Variants in MTERF3 observed in about 807,000 individuals in gnomAD.
The protein encoded by MTERF3 is mitochondrial transcription termination factor 3, also known as transcription termination factor 3, mitochondrial.
Under a neutral mutation model 40.5 loss-of-function variants are expected in MTERF3, and 40 were observed. The observed-to-expected ratio is 0.99, with a 90% CI of 0.77 to 1.29. The LOEUF is 1.29. Among genes scored for constraint, MTERF3 ranks in the 50% most tolerant of loss-of-function variants. The probability of loss-of-function intolerance (pLI) is 0.00; values close to 1 mark genes in which losing one functional copy is unlikely to be tolerated. For synonymous variants in MTERF3, 158 were observed against 166.6 expected (o/e 0.95, Z 0.40); for missense variants, 452 against 478.2 (o/e 0.95, Z 0.51).
chr8:96,254,378 CCTGT>C (rs764310360), intron 3 of MTERF3, among the ~76,000 whole-genome samples: 58 of 152,246 alleles, frequency 3.8e-4, no homozygotes, highest in Middle Eastern at 3.4e-3. Context: ...ACTTATGCCA[CCTGT>C]CTAATTGAAA....
rs528468108 is a variant in MTERF3, at chr8:96,239,994, C to T, written c.1060-309G>A. On this transcript the variant is annotated intron_variant, in intron 7 of 7. Transcript: ENST00000287025. ...GCAAATCTTCGGCCGGGCGTGGTGG[C>T]TCACGCCTTTAGTGAGGCTGAGGCA... 64 of 583,428 alleles carry T rather than the reference C, an allele frequency of 1.1e-4. No individual in the cohort carries two copies. In the African/African-American group the frequency reaches 1.2e-3, roughly 11 times the overall value. The allele number at this position is 583,428 out of a possible 1,614,324, so 36.1% of individuals were successfully genotyped here.
chr8:96,257,764 C>A (rs921648497), intron 2 of MTERF3, among the ~76,000 whole-genome samples: 2 of 152,138 alleles, frequency 1.3e-5, no homozygotes, highest in South Asian at 4.1e-4. Context: ...TGCTTCTCAT[C>A]ATTAACTATC....
At chr8:96,254,308 A>C (rs963662185) in intron 3 of MTERF3, among the ~76,000 whole-genome samples, 3 of 152,112 alleles carry the variant, frequency 2.0e-5, no homozygotes, top group Non-Finnish European at 2.9e-5. Context: ...CTCTCTTAAC[A>C]ATTTTCAAGT....
chr8:96,260,887 C>A (rs2129962286), intron 1 of MTERF3, among the ~76,000 whole-genome samples: 1 of 152,248 alleles, frequency 6.6e-6, no homozygotes, highest in Non-Finnish European at 1.5e-5. Context: ...CTAATGTTTG[C>A]GGAATGGAAA....
At chr8:96,242,198 TTC>T (rs1255204525) in intron 7 of MTERF3, among the ~76,000 whole-genome samples, 1 of 152,242 alleles carries the variant, frequency 6.6e-6, no homozygotes, top group African/African-American at 2.4e-5. Flanking sequence ...CTTTTTATTT[TTC>T]TGTTTTTATT....
intron 4 of MTERF3, among the ~76,000 whole-genome samples, chr8:96,249,749 A>G (rs754621599): frequency 4.6e-5 from 7 of 152,190 alleles, no homozygotes; most frequent in Non-Finnish European, 8.8e-5. Context: ...TTGGTGTGAT[A>G]TTATGGGGAA....
In MTERF3 at chr8:96,251,028, T is replaced by C. The variant is rs1447042093; in HGVS notation, c.555A>G (p.Glu185=). 1 of 1,605,214 alleles carries C rather than the reference T, an allele frequency of 6.2e-7. No individual in the cohort carries two copies. Among genetic ancestry groups the C allele is most frequent in the Admixed American group, 1.7e-5 (1 of 57,624 alleles). The change falls in exon 4 of 8, where the codon GAA becomes GAG. Residue 185 remains glutamate, a synonymous_variant. Transcript: ENST00000287025. ...ACAGAAGCATTTGCTTAATGTCTTT[T>C]TCAAAATCCAGTCTCAGAAGGAGGT... The part of the protein sequence containing the change: ...AANLLLRLDF[E]KDIKQMLLFL...
At chr8:96,248,812 A>T (rs1810069373) in intron 4 of MTERF3, among the ~76,000 whole-genome samples, 1 of 152,352 alleles carries the variant, frequency 6.6e-6, no homozygotes, top group Admixed American at 6.5e-5. Flanking sequence ...TTTAAAAAAT[A>T]AGTACATGAA....
intron 3 of MTERF3, among the ~76,000 whole-genome samples, chr8:96,255,894 G>C (rs919893731): frequency 2.0e-5 from 3 of 152,084 alleles, no homozygotes; most frequent in African/African-American, 4.8e-5. Flanking sequence ...TGAGAATCTG[G>C]CAAGTGGTAA....
intron 1 of MTERF3, among the ~76,000 whole-genome samples, chr8:96,259,734 T>C (rs1810344699): frequency 1.3e-5 from 2 of 152,304 alleles, no homozygotes; most frequent in South Asian, 4.1e-4. Context: ...CCTACAACTT[T>C]ATACTTTGTT....
In MTERF3 at chr8:96,250,680, GAA is replaced by G. The variant is rs1563549082; in HGVS notation, c.677+224_677+225del. Among the ~76,000 whole-genome samples, 25 of 57,486 alleles carry G rather than the reference GAA, an allele frequency of 4.3e-4. 1 individual carries two copies. The highest frequency in any genetic ancestry group is 1.2e-3 in the African/African-American group (17 of 14,060). The allele number at this position is 57,486 out of a possible 152,430, so 37.7% of individuals were successfully genotyped here. A position where few individuals can be genotyped will look rare whatever the true frequency, so the allele number is the denominator to read the frequency against. ...AGAAGAAGAAGAAGAAGAAGAAGAA[GAA>G]GGAGGAGGAGGAGGGGGGGAGGGGG... On this transcript the variant is annotated intron_variant, in intron 4 of 7. Coordinates refer to ENST00000287025, the MANE Select transcript of MTERF3 (RefSeq NM_015942.5).
chr8:96,254,119 A>G (rs1294428107), intron 3 of MTERF3, among the ~76,000 whole-genome samples: 1 of 152,206 alleles, frequency 6.6e-6, no homozygotes, highest in African/African-American at 2.4e-5. Flanking sequence ...GTCTCCTCAC[A>G]GCAGACATCA....
At chr8:96,258,830 AT>A in intron 1 of MTERF3, 130 bp from the exon 2 acceptor site, 1 of 689,400 alleles carries the variant, frequency 1.5e-6, no homozygotes. Flanking sequence ...TTAAATATAT[AT>A]TTAGTCTAAA....
chr8:96,255,755 C>T (rs1810267924), intron 3 of MTERF3, among the ~76,000 whole-genome samples: 1 of 151,422 alleles, frequency 6.6e-6, no homozygotes, highest in Non-Finnish European at 1.5e-5. Flanking sequence ...GAATGACAAA[C>T]AAAAAATGAG....
intron 1 of MTERF3, among the ~76,000 whole-genome samples, chr8:96,259,341 C>T (rs985024532): frequency 3.9e-5 from 6 of 152,130 alleles, no homozygotes; most frequent in Non-Finnish European, 7.3e-5. Flanking sequence ...TTGAACAAAA[C>T]CAGTTTTGTC....
At chr8:96,250,369 A>G (rs1810107088) in intron 4 of MTERF3, among the ~76,000 whole-genome samples, 1 of 145,656 alleles carries the variant, frequency 6.9e-6, no homozygotes, top group Non-Finnish European at 1.5e-5. Context: ...TCCAGTTTCT[A>G]AAGAGAAAGA....
At chr8:96,250,683 G>GACGAAGAAGACGAA (rs1479466031) in intron 4 of MTERF3, among the ~76,000 whole-genome samples, 1 of 58,862 alleles carries the variant, frequency 1.7e-5, no homozygotes, top group African/African-American at 6.8e-5. Context: ...AGAAGAAGAA[G>GACGAAGAAGACGAA]GAGGAGGAGG....
intron 7 of MTERF3, among the ~76,000 whole-genome samples, chr8:96,243,371 G>A (rs772931447): frequency 7.9e-5 from 12 of 152,212 alleles, no homozygotes; most frequent in Non-Finnish European, 1.5e-4. Flanking sequence ...TGTAGTTCTA[G>A]GCACTGAGGA....
chr8:96,239,838 A>G (rs546772736), intron 7 of MTERF3, 153 bp from the exon 8 acceptor site: 220 of 708,698 alleles, frequency 3.1e-4, no homozygotes, highest in Non-Finnish European at 1.9e-4. Context: ...TTTAAATCCT[A>G]TATTTTCTGT....
Sources: allele counts gnomAD v4.1 joint callset (sites outside exome capture counted in the v4.1 genomes callset), GRCh38; gene constraint gnomAD v4.1.1; transcripts MANE v1.5; gene names NCBI Gene and HGNC (gene_info 2026-07-23, HGNC 2026-07-21).